Variants in PCDHGA10 observed in about 807,000 individuals in gnomAD.
PCDHGA10 encodes protocadherin gamma subfamily A, 10.
PCDHGA10 carries 42 observed loss-of-function variants against 59.5 expected under a neutral mutation model. The observed-to-expected ratio is 0.71, with a 90% confidence interval of 0.55 to 0.91. The LOEUF (loss-of-function observed/expected upper bound fraction) is 0.91. PCDHGA10 is among the 40% of genes least tolerant of loss of function. The pLI is 0.00. For synonymous variants in PCDHGA10, 511 were observed against 517.2 expected, an observed-to-expected ratio of 0.99 and a Z score of 0.16; for missense variants, 1,111 against 1,198.2, an observed-to-expected ratio of 0.93 and a Z score of 1.07.
rs747671382 is a variant in PCDHGA10 at position 141,444,152 on chromosome 5, ATTTTTTTTTTTTTTTTTTTT to A, written c.2436+28558_2436+28577del. ...GATATGTGTCACTTGTGTGTACTGG[ATTTTTTTTTTTTTTTTTTTT>A]TTTTTTTTTTTTTTTTGAGATGGAG... On this transcript the variant is annotated intron_variant, in intron 1 of 3. Transcript: ENST00000398610. 2.4e-4 allele frequency among the ~76,000 whole-genome samples: 8 copies of A among 33,898 alleles called. No homozygotes were observed. In the East Asian group the frequency reaches 3.0e-3, roughly 13 times the overall value. 22.2% of individuals were successfully genotyped at this position (33,898 alleles called of 152,430 possible). A position where few individuals can be genotyped will look rare whatever the true frequency, so the allele number is the denominator to read the frequency against.
chr5:141,478,623 GT>G (rs1337268572), intron 1 of PCDHGA10: 14 of 1,554,358 alleles, frequency 9.0e-6, no homozygotes, highest in African/African-American at 1.4e-5. Context: ...GAATGGAGCT[GT>G]TTTTTTAGTG....
Position 141,431,386 on chromosome 5 carries a change from C to A in PCDHGA10, c.2436+15775C>A. The stretch of plus-strand genomic sequence containing the variant: ...ACCGCGAAGAAAAGGCTGCTCACCA[C>A]CTGGTCCTTACGGCCTCCGACGGGG... On this transcript the variant is annotated intron_variant, in intron 1 of 3. Coordinates refer to ENST00000398610, the MANE Select transcript of PCDHGA10 (RefSeq NM_018913.3). The surrounding 1 kb of genome is among the most constrained non-coding windows in gnomAD (Gnocchi z 4.8). The A allele has an allele frequency of 6.2e-7, 1 of 1,613,924 alleles. No individual in the cohort carries two copies. Among genetic ancestry groups the A allele is most frequent in the Non-Finnish European group, 8.5e-7 (1 of 1,180,038 alleles).
chr5:141,499,725 C>T (rs554409998), intron 2 of PCDHGA10, among the ~76,000 whole-genome samples: 3 of 138,474 alleles, frequency 2.2e-5, no homozygotes, highest in African/African-American at 5.4e-5. Context: ...GACAGAGTCT[C>T]ACTCTCTTGC....
intron 3 of PCDHGA10, among the ~76,000 whole-genome samples, chr5:141,508,658 A>G (rs1420910010): frequency 2.0e-5 from 3 of 152,086 alleles, no homozygotes; most frequent in African/African-American, 4.8e-5. Flanking sequence ...CCTTCCTGTC[A>G]TTCTGTCTCT....
At chr5:141,418,740 TG>T in intron 1 of PCDHGA10, 1 of 1,613,972 alleles carries the variant, frequency 6.2e-7, no homozygotes, top group Non-Finnish European at 8.5e-7. Context: ...GTGTTCTCTC[TG>T]GATTACACTA....
chr5:141,484,907 C>T, intron 1 of PCDHGA10: 1 of 409,994 alleles, frequency 2.4e-6, no homozygotes, highest in Non-Finnish European at 4.3e-6. Context: ...AATGCTGCGA[C>T]GCATTAACCC....
At chr5:141,441,173 C>G (rs2098230611) in intron 1 of PCDHGA10, 1 of 152,180 alleles carries the variant, frequency 6.6e-6, no homozygotes, top group South Asian at 2.1e-4. Context: ...ATTTTTACTT[C>G]TAATTCCACA....
At position 141,486,092 on chromosome 5, in the gene PCDHGA10, C is replaced by T. The variant is rs2099624294; in HGVS notation, c.2437-8715C>T. The T allele has an allele frequency of 3.7e-6, 6 of 1,614,148 alleles. No homozygotes were observed. In the East Asian group the frequency reaches 1.3e-4, roughly 36 times the overall value. On this transcript the variant is annotated intron_variant, in intron 1 of 3. Coordinates refer to ENST00000398610, the MANE Select transcript of PCDHGA10 (RefSeq NM_018913.3). This position sits in a 1 kb window ranked among gnomAD's most constrained non-coding sequence, Gnocchi z 5.0. Reference sequence around the variant, plus strand: ...TACTGGAAAGCTTACTCTTTTGGGGCCCCTAGACTTTGAGAGTGAGAATTA... The same window carrying T: ...TACTGGAAAGCTTACTCTTTTGGGGTCCCTAGACTTTGAGAGTGAGAATTA...
chr5:141,428,744 T>C (rs939886054), intron 1 of PCDHGA10: 10 of 155,306 alleles, frequency 6.4e-5, no homozygotes, highest in African/African-American at 2.4e-4. Context: ...ATATCTACTA[T>C]TGCTTCAGGT....
Position 141,433,059 on chromosome 5 carries a change from A to G in PCDHGA10, c.2436+17448A>G, listed in dbSNP as rs745951077. 1.1e-5 allele frequency: 18 copies of G among 1,614,000 alleles called. No individual in the cohort carries two copies. In the East Asian group the frequency reaches 3.8e-4, roughly 34 times the overall value. On this transcript the variant is annotated intron_variant, in intron 1 of 3. Transcript: ENST00000398610. ...CTCACCACGGACTCGCGGAAGAGTC[A>G]CCTGATCTTCCCCCAGCCCAACTAT...
Position 141,432,108 on chromosome 5 carries a change from C to T in PCDHGA10, c.2436+16497C>T, listed in dbSNP as rs1432933024. The T allele has an allele frequency of 1.9e-6, 3 of 1,614,180 alleles. No homozygotes were observed. The highest frequency in any genetic ancestry group is 1.7e-5 in the Admixed American group (1 of 60,020). Reference sequence around the variant, plus strand: ...GTGGCAGACACCAACGACAACCCGCCGGTCTTCCCTCAGGCCTCCTATTCC... The same window carrying T: ...GTGGCAGACACCAACGACAACCCGCTGGTCTTCCCTCAGGCCTCCTATTCC... On this transcript the variant is annotated intron_variant, in intron 1 of 3. Coordinates refer to ENST00000398610, the MANE Select transcript of PCDHGA10 (RefSeq NM_018913.3). The surrounding 1 kb of genome is among the most constrained non-coding windows in gnomAD (Gnocchi z 6.0).
chr5:141,437,385 C>T (rs543945898), intron 1 of PCDHGA10, among the ~76,000 whole-genome samples: 12 of 152,202 alleles, frequency 7.9e-5, no homozygotes, highest in Non-Finnish European at 1.6e-4. Flanking sequence ...AGAAGACATT[C>T]ATCCACTGCT....
chr5:141,510,621 A>G (rs1317150967), intron 3 of PCDHGA10, among the ~76,000 whole-genome samples: 1 of 152,176 alleles, frequency 6.6e-6, no homozygotes, highest in Non-Finnish European at 1.5e-5. Flanking sequence ...CACTAAAACC[A>G]GAAGAGGTGG....
chr5:141,416,532 A>T (rs3806830), intron 1 of PCDHGA10: 1 of 152,142 alleles, frequency 6.6e-6, no homozygotes, highest in Non-Finnish European at 1.5e-5. Context: ...TCTTTAATGT[A>T]TAAGGAGGCA....
rs368588973 is a variant in PCDHGA10 at position 141,415,035 on chromosome 5, C to G, written c.1860C>G (p.Leu620=). ...YRLLKASEPG[L]FAVGEHTGEV... ...TGCTCAAGGCCAGCGAGCCGGGACT[C>G]TTCGCGGTGGGGGAGCACACGGGCG... The change falls in exon 1 of 4, where the codon CTC becomes CTG. Residue 620 remains leucine (L), a synonymous_variant. Coordinates refer to ENST00000398610, the MANE Select transcript of PCDHGA10 (RefSeq NM_018913.3). The G allele has an allele frequency of 5.6e-6, 9 of 1,613,578 alleles. No homozygotes were observed. Among genetic ancestry groups the G allele is most frequent in the South Asian group, 1.1e-5 (1 of 91,070 alleles).
chr5:141,461,323 T>C (rs2099013372), intron 1 of PCDHGA10, among the ~76,000 whole-genome samples: 1 of 152,176 alleles, frequency 6.6e-6, no homozygotes, highest in African/African-American at 2.4e-5. Context: ...TTTTTAATAA[T>C]GGCCATTCTT....
At position 141,491,566 on chromosome 5, in the gene PCDHGA10, A is replaced by G; in HGVS notation, c.2437-3241A>G. Reference sequence around the variant, plus strand: ...AGACTCGCAGAGCCACTGCTACAGGACGTGCTTTTCACCGGCCTCGGACGG... The same window carrying G: ...AGACTCGCAGAGCCACTGCTACAGGGCGTGCTTTTCACCGGCCTCGGACGG... On this transcript the variant is annotated intron_variant, in intron 1 of 3. Transcript: ENST00000398610. This position sits in a 1 kb window ranked among gnomAD's most constrained non-coding sequence, Gnocchi z 6.9. 1 of 1,613,950 alleles carries G rather than the reference A, an allele frequency of 6.2e-7. No individual in the cohort carries two copies.
At chr5:141,503,598 C>CTAA (rs2099824827) in intron 2 of PCDHGA10, among the ~76,000 whole-genome samples, 2 of 65,752 alleles carry the variant, frequency 3.0e-5, no homozygotes, top group African/African-American at 9.3e-5. Flanking sequence ...GACTCCAGCT[C>CTAA]AAAAAAAAAA....
intron 1 of PCDHGA10, 30 bp downstream of exon 1, chr5:141,415,641 TA>T (rs113784532): frequency 0.022 from 22,367 of 1,034,442 alleles, 38 homozygotes; most frequent in Admixed American, 0.045. Context: ...TTACTTTTGT[TA>T]AAAAAAAAAA....
Sources: allele counts gnomAD v4.1 joint callset (sites outside exome capture counted in the v4.1 genomes callset), GRCh38; gene constraint gnomAD v4.1.1; non-coding constraint Gnocchi (gnomAD v3.1); transcripts MANE v1.5; gene names NCBI Gene and HGNC (gene_info 2026-07-23, HGNC 2026-07-21).